The following MRC2 variants were observed in gnomAD, a reference collection of about 807,000 sequenced individuals.
MRC2 encodes the protein mannose receptor C-type 2, also known as C-type mannose receptor 2.
A neutral mutation model predicts 206.2 loss-of-function variants in MRC2; 84 were observed. The observed-to-expected ratio is 0.41, with a 90% CI of 0.34 to 0.49. The LOEUF (loss-of-function observed/expected upper bound fraction) is 0.49. MRC2 is among the 20% of genes least tolerant of loss of function. The probability of loss-of-function intolerance (pLI) is 0.31; values close to 1 mark genes in which losing one functional copy is unlikely to be tolerated. For synonymous variants in MRC2, 798 were observed against 800.0 expected (o/e 1.00, Z 0.04); for missense variants, 1,676 against 2,001.5 (o/e 0.84, Z 3.10).
At chr17:62,668,668 G>T (rs1026849016) in intron 6 of MRC2, among the ~76,000 whole-genome samples, 27 of 152,220 alleles carry the variant, frequency 1.8e-4, no homozygotes, top group Admixed American at 1.0e-3. Context: ...GCCAGTCTCT[G>T]CAGGGTCTTG....
chr17:62,665,121 C>G (rs960193841), intron 2 of MRC2, among the ~76,000 whole-genome samples, 172 bp downstream of exon 2: 1 of 152,178 alleles, frequency 6.6e-6, no homozygotes, highest in Non-Finnish European at 1.5e-5. Context: ...AACTTCAGGC[C>G]AGGTGCGGTG....
chr17:62,689,993 G>A lies in MRC2; in HGVS notation c.3673G>A (p.Val1225Met). The A allele has an allele frequency of 1.2e-6, 2 of 1,612,614 alleles. No homozygotes were observed. Among genetic ancestry groups the A allele is most frequent in the Non-Finnish European group, 8.5e-7 (1 of 1,179,786 alleles). ...GCCGGGGGGCTGTACCTACGTAGATGTGGACGGGGCCTGGCGCACCACCAG... is the reference window on the plus strand; with the variant it reads ...GCCGGGGGGCTGTACCTACGTAGATATGGACGGGGCCTGGCGCACCACCAG... The part of the protein sequence containing the change: ...QQPGGCTYVD[V>M]DGAWRTTSCD... The change falls in exon 25 of 30, where the codon GTG becomes ATG. Residue 1225 changes from valine to methionine, a missense_variant. Val to Met is a conservative substitution (Grantham distance 21). Around this residue, in one of 3 missense-constraint regions of MRC2, gnomAD observed 1,354 missense variants for 1,636.6 expected, o/e 0.83. Transcript: ENST00000303375.
chr17:62,666,947 A>C lies in MRC2; in HGVS notation c.973+77A>C, dbSNP rs2088764757. ...TGGCCTCCCATGGACTCCTCTCCTC[A>C]TGTCCTCCTGCAGAGGGGCAGTGTG... On this transcript the variant is annotated intron_variant, in intron 5 of 29. Transcript: ENST00000303375. The surrounding 1 kb of genome is among the most constrained non-coding windows in gnomAD (Gnocchi z 5.0). The C allele has an allele frequency of 6.3e-6, 7 of 1,103,066 alleles. No individual in the cohort carries two copies. Among genetic ancestry groups the C allele is most frequent in the Non-Finnish European group, 9.4e-6 (7 of 742,222 alleles). 68.3% of individuals were successfully genotyped at this position (1,103,066 alleles called of 1,614,324 possible). A position where few individuals can be genotyped will look rare whatever the true frequency, so the allele number is the denominator to read the frequency against.
intron 8 of MRC2, among the ~76,000 whole-genome samples, chr17:62,673,635 A>G (rs1324903112): frequency 6.6e-6 from 1 of 151,680 alleles, no homozygotes; most frequent in Non-Finnish European, 1.5e-5. Flanking sequence ...GAGCCTCCCA[A>G]ATAGCTGGGA....
In MRC2 at chr17:62,681,701, C is replaced by T. The variant is rs1003377915; in HGVS notation, c.2703-136C>T. ...GACTGCCCTGAGCTCAGTAGCTCCA[C>T]CCCTCAGCCTACAGCCACTAAACCC... On this transcript the variant is annotated intron_variant, in intron 18 of 29. Transcript: ENST00000303375. The T allele has an allele frequency of 8.7e-6, 6 of 690,914 alleles. No homozygotes were observed. In the African/African-American group the frequency reaches 9.1e-5, roughly 11 times the overall value. The allele number at this position is 690,914 out of a possible 1,614,324, so 42.8% of individuals were successfully genotyped here.
At chr17:62,681,369 C>T (rs1174409594) in intron 18 of MRC2, 3 of 582,934 alleles carry the variant, frequency 5.1e-6, no homozygotes, top group Non-Finnish European at 9.1e-6. Flanking sequence ...ACGCAGCATC[C>T]AGCACATTAG....
intron 1 of MRC2, among the ~76,000 whole-genome samples, chr17:62,641,944 A>G (rs997057650): frequency 7.9e-5 from 12 of 151,948 alleles, no homozygotes; most frequent in African/African-American, 2.7e-4. Flanking sequence ...TGAAACTTTG[A>G]AAGTTAGTTA....
In MRC2 at chr17:62,681,717, C is replaced by T. The variant is rs559902392; in HGVS notation, c.2703-120C>T. 2.4e-4 allele frequency: 187 copies of T among 775,638 alleles called. No homozygotes were observed. In the African/African-American group the frequency reaches 3.1e-3, roughly 13 times the overall value. 48.0% of individuals were successfully genotyped at this position (775,638 alleles called of 1,614,324 possible). A position where few individuals can be genotyped will look rare whatever the true frequency, so the allele number is the denominator to read the frequency against. On this transcript the variant is annotated intron_variant, in intron 18 of 29. Coordinates refer to ENST00000303375, the MANE Select transcript of MRC2 (RefSeq NM_006039.5). ...GTAGCTCCACCCCTCAGCCTACAGC[C>T]ACTAAACCCCAGAACCTGGGCCCTT...
In MRC2 at chr17:62,681,136, A is replaced by C; in HGVS notation, c.2702+7A>C. 6.2e-7 allele frequency: 1 copy of C among 1,613,166 alleles called. No individual in the cohort carries two copies. Among genetic ancestry groups the C allele is most frequent in the Non-Finnish European group, 8.5e-7 (1 of 1,179,792 alleles). On this transcript the variant is annotated splice_region_variant and intron_variant, in intron 18 of 29. Coordinates refer to ENST00000303375, the MANE Select transcript of MRC2 (RefSeq NM_006039.5). ...AGAGCGATGGGCGCTTCAGGTAGGA[A>C]CCCAGGCAGGCAGCAGATGTGGAAG...
At position 62,680,345 on chromosome 17, in the gene MRC2, C is replaced by T; in HGVS notation, c.2437+37C>T. 1.2e-6 allele frequency: 2 copies of T among 1,613,574 alleles called. No homozygotes were observed. The highest frequency in any genetic ancestry group is 1.7e-5 in the Admixed American group (1 of 59,996). On this transcript the variant is annotated intron_variant, in intron 15 of 29. Transcript: ENST00000303375. This position sits in a 1 kb window ranked among gnomAD's most constrained non-coding sequence, Gnocchi z 4.8. Reference sequence around the variant, plus strand: ...TGGCGCTGGGGGACGCGGGATGGAGCGAAGGGTGGCGGGGCCAGGAATTCC... The same window carrying T: ...TGGCGCTGGGGGACGCGGGATGGAGTGAAGGGTGGCGGGGCCAGGAATTCC...
intron 1 of MRC2, 62 bp downstream of exon 1, chr17:62,627,982 C>T: frequency 8.8e-7 from 1 of 1,138,586 alleles, no homozygotes; most frequent in Non-Finnish European, 1.2e-6. Context: ...GAGGCGCGGG[C>T]CGCTCTCGAC....
chr17:62,640,163 G>A (rs1403807645), intron 1 of MRC2, among the ~76,000 whole-genome samples: 2 of 151,670 alleles, frequency 1.3e-5, no homozygotes, highest in Non-Finnish European at 2.9e-5. Flanking sequence ...GAGCCACCAC[G>A]CCTGGCCAGC....
rs2088831054 is a variant in MRC2, at chr17:62,671,892, C to T, written c.1306+55C>T. ...TGGAGGGCAGGGCCTCCCACTGCCC[C>T]ACCCATCCTGTCCAGGAGCCTCAGA... On this transcript the variant is annotated intron_variant, in intron 7 of 29. Transcript: ENST00000303375. The surrounding 1 kb of genome is among the most constrained non-coding windows in gnomAD (Gnocchi z 4.5). The T allele has an allele frequency of 6.3e-7, 1 of 1,591,188 alleles. No individual in the cohort carries two copies. Among genetic ancestry groups the T allele is most frequent in the South Asian group, 1.1e-5 (1 of 87,610 alleles).
chr17:62,658,486 C>T (rs548337130), intron 1 of MRC2, among the ~76,000 whole-genome samples: 2 of 152,316 alleles, frequency 1.3e-5, no homozygotes, highest in Non-Finnish European at 2.9e-5. Context: ...CGTCCCCTTT[C>T]TGGACTTCAG....
At chr17:62,649,097 C>T (rs1464539999) in intron 1 of MRC2, among the ~76,000 whole-genome samples, 3 of 152,216 alleles carry the variant, frequency 2.0e-5, no homozygotes, top group Non-Finnish European at 4.4e-5. Flanking sequence ...GCCCAAGGGC[C>T]CAAGCAGAGG....
At chr17:62,676,940 G>C (rs2088899941) in intron 11 of MRC2, among the ~76,000 whole-genome samples, 1 of 152,254 alleles carries the variant, frequency 6.6e-6, no homozygotes, top group Admixed American at 6.5e-5. Flanking sequence ...AGAATACTGA[G>C]CGCAATACAA....
At position 62,688,856 on chromosome 17, in the gene MRC2, G is replaced by T; in HGVS notation, c.3230G>T (p.Ser1077Ile). The T allele has an allele frequency of 6.2e-7, 1 of 1,610,416 alleles. No homozygotes were observed. The change falls in exon 23 of 30, where the codon AGC becomes ATC. Residue 1077 changes from serine (S) to isoleucine (I), a missense_variant. Transcript: ENST00000303375. ...TGAGCAGCTCCCTCCCCCCAGACCAGCTGTGCAGTGGTCCTGCACAGCCCC... is the reference window on the plus strand; with the variant it reads ...TGAGCAGCTCCCTCCCCCCAGACCATCTGTGCAGTGGTCCTGCACAGCCCC... ...SPAPSGNKPT[S>I]CAVVLHSPSA... is the part of the protein sequence containing the mutation.
intron 1 of MRC2, among the ~76,000 whole-genome samples, chr17:62,653,623 G>T (rs768676666): frequency 5.9e-5 from 9 of 152,194 alleles, no homozygotes; most frequent in Non-Finnish European, 1.2e-4. Context: ...GCTCTACAAA[G>T]GGTGGCCTGT....
In MRC2 at chr17:62,665,137, C is replaced by T. The variant is rs148272239; in HGVS notation, c.520+188C>T. On this transcript the variant is annotated intron_variant, in intron 2 of 29. Transcript: ENST00000303375. ...ACTTCAGGCCAGGTGCGGTGGCTCA[C>T]GCCTGTAATCCCAGCACTTTGGGAG... Among the ~76,000 whole-genome samples, 140 of 152,272 alleles carry T rather than the reference C, an allele frequency of 9.2e-4. 1 individual carries two copies. The highest frequency in any genetic ancestry group is 3.1e-3 in the African/African-American group (130 of 41,572).
Sources: allele counts gnomAD v4.1 joint callset (sites outside exome capture counted in the v4.1 genomes callset), GRCh38; gene constraint gnomAD v4.1.1; regional missense constraint gnomAD v4.1.1; non-coding constraint Gnocchi (gnomAD v3.1); transcripts MANE v1.5; gene names NCBI Gene and HGNC (gene_info 2026-07-23, HGNC 2026-07-21).